VPS8: variants seen among roughly 807,000 people sequenced by gnomAD.
The protein encoded by VPS8 is vacuolar protein sorting-associated protein 8 homolog.
In VPS8, 129 loss-of-function variants were observed where a neutral mutation model predicts 216.4. The ratio of observed to expected loss-of-function variants is 0.60; its 90% CI spans 0.52 to 0.69. VPS8 has a LOEUF of 0.69. Ranked by LOEUF, VPS8 falls within the 30% of genes least tolerant of loss-of-function variation. VPS8 has a pLI of 0.00. For missense variants in VPS8, 1,531 were observed against 1,683.5 expected (o/e 0.91, Z 1.59); for synonymous variants, 571 against 565.4 (o/e 1.01, Z -0.14).
chr3:184,892,887 C>CT (rs1732635928), intron 22 of VPS8, among the ~76,000 whole-genome samples: 1 of 152,146 alleles, frequency 6.6e-6, no homozygotes, highest in Non-Finnish European at 1.5e-5. Context: ...CAACACATTA[C>CT]AGAGTACAAG....
At chr3:184,852,455 G>T in intron 10 of VPS8, 45 bp from the exon 11 acceptor site, 1 of 1,570,858 alleles carries the variant, frequency 6.4e-7, no homozygotes. Flanking sequence ...CTTAATACTT[G>T]ACTGTTTAAA....
chr3:184,852,265 A>G (rs1480451384), intron 10 of VPS8, among the ~76,000 whole-genome samples: 1 of 152,180 alleles, frequency 6.6e-6, no homozygotes, highest in East Asian at 1.9e-4. Flanking sequence ...TTTTATCGTG[A>G]TGAAAGGTGG....
intron 3 of VPS8, among the ~76,000 whole-genome samples, chr3:184,826,881 C>G (rs1267782821): frequency 6.6e-6 from 1 of 152,110 alleles, no homozygotes. Context: ...TTATTCTTTT[C>G]TGAATTGGGA....
At position 185,052,045 on chromosome 3, in the gene VPS8, C is replaced by G. The variant is rs889661219; in HGVS notation, c.*20C>G. ...GATTGATGACTCCATGGAGCCTGGC[C>G]CAGGAGAACCAGAGATGATCCCGAG... On this transcript the variant is annotated 3_prime_UTR_variant, in exon 48 of 48. Transcript: ENST00000625842. 6.2e-7 allele frequency: 1 copy of G among 1,601,720 alleles called. No homozygotes were observed. The highest frequency in any genetic ancestry group is 1.1e-5 in the South Asian group (1 of 89,126).
At chr3:185,030,387 G>A (rs1379419968) in intron 46 of VPS8, among the ~76,000 whole-genome samples, 4 of 152,160 alleles carry the variant, frequency 2.6e-5, no homozygotes, top group South Asian at 2.1e-4. Flanking sequence ...TTTTAGATCC[G>A]CTTTCTCTGC....
At chr3:184,939,152 G>T (rs949959372) in intron 35 of VPS8, among the ~76,000 whole-genome samples, 5 of 151,422 alleles carry the variant, frequency 3.3e-5, no homozygotes, top group African/African-American at 1.2e-4. Flanking sequence ...ATCTTACAAA[G>T]TACCTTTACT....
intron 34 of VPS8, among the ~76,000 whole-genome samples, chr3:184,935,947 C>T (rs1741525527): frequency 6.6e-6 from 1 of 152,088 alleles, no homozygotes; most frequent in African/African-American, 2.4e-5. Flanking sequence ...AGCTTTTGCT[C>T]CTTCTGTTTC....
intron 42 of VPS8, among the ~76,000 whole-genome samples, chr3:184,986,951 A>G (rs901682371): frequency 3.9e-5 from 6 of 152,182 alleles, no homozygotes; most frequent in African/African-American, 1.4e-4. Context: ...ACTAAAGTCC[A>G]TAGTTTACAT....
intron 22 of VPS8, among the ~76,000 whole-genome samples, chr3:184,894,104 G>A (rs1361362665): frequency 1.3e-5 from 2 of 152,100 alleles, no homozygotes; most frequent in African/African-American, 4.8e-5. Flanking sequence ...ATATTTTAAG[G>A]ATTAAACATT....
At chr3:184,845,189 G>A (rs896627569) in intron 8 of VPS8, among the ~76,000 whole-genome samples, 4 of 152,132 alleles carry the variant, frequency 2.6e-5, no homozygotes, top group Non-Finnish European at 5.9e-5. Flanking sequence ...GAGTAACCTG[G>A]AGTGGCTCTC....
intron 10 of VPS8, among the ~76,000 whole-genome samples, chr3:184,852,233 T>G (rs1024811585): frequency 6.6e-6 from 1 of 152,178 alleles, no homozygotes; most frequent in Non-Finnish European, 1.5e-5. Flanking sequence ...GGGTTTTTAA[T>G]CAATCATAGT....
intron 37 of VPS8, among the ~76,000 whole-genome samples, 170 bp downstream of exon 37, chr3:184,957,691 G>A (rs376983644): frequency 1.3e-5 from 2 of 152,204 alleles, no homozygotes; most frequent in East Asian, 1.9e-4. Context: ...AAGAAAAACA[G>A]AGGTTTATTG....
chr3:184,963,741 G>T (rs190162097), intron 37 of VPS8, among the ~76,000 whole-genome samples: 1 of 151,960 alleles, frequency 6.6e-6, no homozygotes, highest in Non-Finnish European at 1.5e-5. Context: ...ATTAAATATG[G>T]TATTTATCAT....
At chr3:184,843,139 C>A in intron 7 of VPS8, 101 bp from the exon 8 acceptor site, 1 of 815,538 alleles carries the variant, frequency 1.2e-6, no homozygotes, top group Non-Finnish European at 1.8e-6. Context: ...AAGCTTGTCA[C>A]TTATATTCTT....
intron 42 of VPS8, among the ~76,000 whole-genome samples, chr3:184,988,216 G>A (rs1751400140): frequency 6.6e-6 from 1 of 152,134 alleles, no homozygotes. Flanking sequence ...TGCTTTTGAT[G>A]TTGTATGTAA....
At chr3:184,911,151 G>C (rs1234969927) in intron 25 of VPS8, among the ~76,000 whole-genome samples, 1 of 152,154 alleles carries the variant, frequency 6.6e-6, no homozygotes, top group Non-Finnish European at 1.5e-5. Context: ...GGAAGAGAAA[G>C]GTTGTAGAAA....
chr3:184,898,634 G>C lies in VPS8; in HGVS notation c.2074G>C (p.Glu692Gln). 1.3e-6 allele frequency: 2 copies of C among 1,552,520 alleles called. No homozygotes were observed. The highest frequency in any genetic ancestry group is 1.7e-6 in the Non-Finnish European group (2 of 1,147,342). ...MIYVYNRGMNEFISPMEKLFR... is the reference protein window; with the variant it reads ...MIYVYNRGMNQFISPMEKLFR... The stretch of plus-strand genomic sequence containing the variant: ...CTATGTCTACAACAGAGGCATGAAT[G>C]AATTTATTAGTCCAATGGAGGTAAG... Residue 692 changes from glutamate (E) to glutamine (Q), a missense_variant, in exon 24 of 48, where the codon GAA becomes CAA. Physicochemically the swap from Glu to Gln is conservative, Grantham distance 29. This residue lies in a region of VPS8 where 1,318 missense variants were observed against 1,468.4 expected (regional missense o/e 0.90). Coordinates refer to ENST00000625842, the MANE Select transcript of VPS8 (RefSeq NM_001009921.3).
At chr3:184,885,380 C>T (rs1180550505) in intron 21 of VPS8, among the ~76,000 whole-genome samples, 1 of 152,188 alleles carries the variant, frequency 6.6e-6, no homozygotes, top group Non-Finnish European at 1.5e-5. Flanking sequence ...TAATAAGCTA[C>T]TGTTTCTCCC....
chr3:184,817,967 G>A (rs576288716), intron 1 of VPS8, among the ~76,000 whole-genome samples: 1 of 152,312 alleles, frequency 6.6e-6, no homozygotes, highest in Admixed American at 6.5e-5. Flanking sequence ...GTTAGGGAAG[G>A]AAGAGGTCAT....
Sources: allele counts gnomAD v4.1 joint callset (sites outside exome capture counted in the v4.1 genomes callset), GRCh38; gene constraint gnomAD v4.1.1; regional missense constraint gnomAD v4.1.1; transcripts MANE v1.5; gene names NCBI Gene and HGNC (gene_info 2026-07-23, HGNC 2026-07-21).